Variants in PRRT3 observed in about 807,000 individuals in gnomAD.
PRRT3 encodes the protein proline rich transmembrane protein 3, also known as proline-rich transmembrane protein 3.
Under a neutral mutation model 56.6 loss-of-function variants are expected in PRRT3, and 48 were observed. That is an observed-to-expected ratio of 0.85 (90% confidence interval 0.67 to 1.08). The LOEUF (loss-of-function observed/expected upper bound fraction) is 1.08, where lower values mean the gene tolerates loss of function less well. Ranked by LOEUF, PRRT3 falls within the 50% of genes least tolerant of loss-of-function variation. The pLI is 0.00. For missense variants in PRRT3, 1,370 were observed against 1,353.1 expected, an observed-to-expected ratio of 1.01 and a Z score of -0.20; for synonymous variants, 641 against 619.1, an observed-to-expected ratio of 1.04 and a Z score of -0.52.
rs1447709880 is a variant in PRRT3, at chr3:9,946,628, G to A, written c.2545C>T (p.Arg849Trp). The A allele has an allele frequency of 7.2e-7, 1 of 1,393,144 alleles. No homozygotes were observed. The allele number at this position is 1,393,144 out of a possible 1,614,324, so 86.3% of individuals were successfully genotyped here. ...LASPPPGGAL[R>W]PRRGSHPKAE... is the part of the protein sequence containing the mutation. ...TTGGGATGGCTGCCCCGGCGCGGCC[G>A]CAGAGCGCCTCCAGGCGGCGGGGAG... The change falls in exon 4 of 4, where the codon CGG (arginine) becomes TGG (tryptophan). Residue 849 changes from arginine to tryptophan, a missense_variant. Transcript: ENST00000412055. This position sits in a 1 kb window ranked among gnomAD's most constrained non-coding sequence, Gnocchi z 4.1.
rs1234803817 is a variant in PRRT3 at position 9,949,558 on chromosome 3, C to T, written c.558G>A (p.Glu186=). The part of the protein sequence containing the change: ...GQEGQWPPRD[E]GLKAKTKSRV... ...TGCTCTTAGTTTTGGCCTTCAGACC[C>T]TCATCTCTAGGTGGCCACTGTCCCT... Residue 186 remains glutamate, a synonymous_variant, in exon 2 of 4, where the codon GAG becomes GAA. Transcript: ENST00000412055. The surrounding 1 kb of genome is among the most constrained non-coding windows in gnomAD (Gnocchi z 4.5). 1 of 1,614,100 alleles carries T rather than the reference C, an allele frequency of 6.2e-7. No homozygotes were observed. The highest frequency in any genetic ancestry group is 1.7e-5 in the Admixed American group (1 of 60,020).
rs1386964773 is a variant in PRRT3 at position 9,949,503 on chromosome 3, G to C, written c.613C>G (p.Gln205Glu). ...GAAACAAGGGTGTGGGGTGGGCCCT[G>C]GTGGTCTGAGGGAGAAGTGGGTGGG... ...RVPPTSPSDH[Q>E]GPPHTLVSHS... is the part of the protein sequence containing the mutation. The change falls in exon 2 of 4, where the codon CAG becomes GAG. Residue 205 changes from glutamine (Q) to glutamate (E), a missense_variant. Coordinates refer to ENST00000412055, the MANE Select transcript of PRRT3 (RefSeq NM_207351.5). The surrounding 1 kb of genome is among the most constrained non-coding windows in gnomAD (Gnocchi z 4.5). 1 of 1,613,972 alleles carries C rather than the reference G, an allele frequency of 6.2e-7. No homozygotes were observed. Among genetic ancestry groups the C allele is most frequent in the African/African-American group, 1.3e-5 (1 of 75,020 alleles).
Position 9,949,223 on chromosome 3 carries a change from C to T in PRRT3, c.893G>A (p.Trp298Ter). The T allele has an allele frequency of 2.5e-6, 4 of 1,604,528 alleles. No individual in the cohort carries two copies. Among genetic ancestry groups the T allele is most frequent in the Non-Finnish European group, 3.4e-6 (4 of 1,175,608 alleles). Residue 298 changes from tryptophan (W) to a stop codon, truncating the protein, a stop_gained, in exon 2 of 4, where the codon TGG (tryptophan) becomes TAG (stop). Coordinates refer to ENST00000412055, the MANE Select transcript of PRRT3 (RefSeq NM_207351.5). LOFTEE classifies it high-confidence loss of function. The surrounding 1 kb of genome is among the most constrained non-coding windows in gnomAD (Gnocchi z 4.5). Reference protein sequence around the residue: ...TPKRAGAEVSWEVSSPGPPPK... With the variant: ...TPKRAGAEVS Reference sequence around the variant, plus strand: ...CGGGGGACCTGGGGAGCTGACTTCCCAGGACACCTCAGCGCCAGCCCTCTT... The same window carrying T: ...CGGGGGACCTGGGGAGCTGACTTCCTAGGACACCTCAGCGCCAGCCCTCTT...
intron 3 of PRRT3, 180 bp downstream of exon 3, chr3:9,948,578 G>C: frequency 1.5e-6 from 1 of 688,536 alleles, no homozygotes; most frequent in Non-Finnish European, 2.5e-6. Flanking sequence ...ACTTCTCCCA[G>C]ATTTCCCAGT....
At chr3:9,951,050 C>T (rs1400623805) in intron 1 of PRRT3, among the ~76,000 whole-genome samples, 3 of 152,206 alleles carry the variant, frequency 2.0e-5, no homozygotes, top group African/African-American at 7.2e-5. Flanking sequence ...GCTTGACAAG[C>T]GTTACACATT....
rs1390994225 is a variant in PRRT3, at chr3:9,949,273, A to G, written c.843T>C (p.Ala281=). The change falls in exon 2 of 4, where the codon GCT becomes GCC. Residue 281 remains alanine (A), a synonymous_variant. Transcript: ENST00000412055. This position sits in a 1 kb window ranked among gnomAD's most constrained non-coding sequence, Gnocchi z 4.5. ...DLALARSLPP[A]EELPVETPKR... is the part of the protein sequence containing the mutation. ...TGGGGGTCTCAACCGGCAGCTCCTC[A>G]GCAGGAGGAAGGCTTCTGGCCAATG... 5.0e-6 allele frequency: 8 copies of G among 1,606,668 alleles called. No individual in the cohort carries two copies. The highest frequency in any genetic ancestry group is 6.0e-6 in the Non-Finnish European group (7 of 1,175,346).
rs2085554796 is a variant in PRRT3, at chr3:9,947,808, T to A, written c.1365A>T (p.Ala455=). The A allele has an allele frequency of 6.9e-7, 1 of 1,449,130 alleles. No individual in the cohort carries two copies. The allele number at this position is 1,449,130 out of a possible 1,614,324, so 89.8% of individuals were successfully genotyped here. ...PASSPPANAT[A]PPLRWGPLRR... ...GAAGGGGGCCCCAGCGTAGCGGGGGTGCAGTGGCGTTGGCTGGGGGGCTGG... is the reference window on the plus strand; with the variant it reads ...GAAGGGGGCCCCAGCGTAGCGGGGGAGCAGTGGCGTTGGCTGGGGGGCTGG... The change falls in exon 4 of 4, where the codon GCA becomes GCT. Residue 455 remains alanine, a synonymous_variant. Coordinates refer to ENST00000412055, the MANE Select transcript of PRRT3 (RefSeq NM_207351.5). This position sits in a 1 kb window ranked among gnomAD's most constrained non-coding sequence, Gnocchi z 9.2.
At chr3:9,950,421 C>T (rs936174413) in intron 1 of PRRT3, among the ~76,000 whole-genome samples, 1 of 151,788 alleles carries the variant, frequency 6.6e-6, no homozygotes, top group African/African-American at 2.4e-5. Flanking sequence ...CCTCCAACAC[C>T]CACTGGACTG....
In PRRT3 at chr3:9,950,058, G is replaced by T. The variant is rs201435838; in HGVS notation, c.58C>A (p.Leu20Met). 6.6e-7 allele frequency: 1 copy of T among 1,511,426 alleles called. No homozygotes were observed. The highest frequency in any genetic ancestry group is 2.3e-5 in the East Asian group (1 of 43,902). 93.6% of individuals were successfully genotyped at this position (1,511,426 alleles called of 1,614,324 possible). A position where few individuals can be genotyped will look rare whatever the true frequency, so the allele number is the denominator to read the frequency against. ...CGLLLLLLPL[L>M]GTGPALGRGF... ...CTCCCCAGGGCAGGGCCAGTCCCCA[G>T]GAGTGGCAGCAGCAACAGCAGAAGG... is the stretch of plus-strand genomic sequence containing the variant. Residue 20 changes from leucine (L) to methionine (M), a missense_variant, in exon 2 of 4, where the codon CTG (leucine) becomes ATG (methionine). Coordinates refer to ENST00000412055, the MANE Select transcript of PRRT3 (RefSeq NM_207351.5).
chr3:9,946,852 G>T lies in PRRT3; in HGVS notation c.2321C>A (p.Ser774Ter). Residue 774 changes from serine (S) to a stop codon, truncating the protein, a stop_gained, in exon 4 of 4, where the codon TCG becomes TAG. Coordinates refer to ENST00000412055, the MANE Select transcript of PRRT3 (RefSeq NM_207351.5). LOFTEE classifies it high-confidence loss of function. The surrounding 1 kb of genome is among the most constrained non-coding windows in gnomAD (Gnocchi z 4.1). ...GGGTCCGCGACCCAACGACGCAGCC[G>T]AGCCCCAGGCGCCTGAACTGGGCGT... ...LATPSSGAWG[S>*]AASLGRGPQG... 1 of 1,539,522 alleles carries T rather than the reference G, an allele frequency of 6.5e-7. No individual in the cohort carries two copies. The highest frequency in any genetic ancestry group is 8.7e-7 in the Non-Finnish European group (1 of 1,148,532).
chr3:9,949,861 C>T lies in PRRT3; in HGVS notation c.255G>A (p.Glu85=). The change falls in exon 2 of 4, where the codon GAG becomes GAA. Residue 85 remains glutamate (E), a synonymous_variant. Coordinates refer to ENST00000412055, the MANE Select transcript of PRRT3 (RefSeq NM_207351.5). This position sits in a 1 kb window ranked among gnomAD's most constrained non-coding sequence, Gnocchi z 4.5. The stretch of plus-strand genomic sequence containing the variant: ...GGCCAAGGGGAGAGGCTACAGGCTT[C>T]TCAGGCATCTCTTCAGCAGGGGCGT... The part of the protein sequence containing the change: ...VRHAPAEEMP[E]KPVASPLGPA... 1 of 1,613,578 alleles carries T rather than the reference C, an allele frequency of 6.2e-7. No individual in the cohort carries two copies. The highest frequency in any genetic ancestry group is 8.5e-7 in the Non-Finnish European group (1 of 1,179,654).
rs987556644 is a variant in PRRT3, at chr3:9,947,473, G to A, written c.1700C>T (p.Pro567Leu). The change falls in exon 4 of 4, where the codon CCG becomes CTG. Residue 567 changes from proline to leucine, a missense_variant. Pro to Leu is a moderately conservative substitution (Grantham distance 98). Coordinates refer to ENST00000412055, the MANE Select transcript of PRRT3 (RefSeq NM_207351.5). This position sits in a 1 kb window ranked among gnomAD's most constrained non-coding sequence, Gnocchi z 9.2. ...LLGLGAGLPP[P>L]LQNPLLLGAV... Reference sequence around the variant, plus strand: ...TCCCAGCAGGAGTGGGTTTTGCAGCGGTGGCGGCAGCCCCGCGCCCAGGCC... The same window carrying A: ...TCCCAGCAGGAGTGGGTTTTGCAGCAGTGGCGGCAGCCCCGCGCCCAGGCC... 3.1e-6 allele frequency: 5 copies of A among 1,612,254 alleles called. No individual in the cohort carries two copies. The highest frequency in any genetic ancestry group is 2.2e-5 in the East Asian group (1 of 44,866).
rs766871398 is a variant in PRRT3, at chr3:9,947,942, C to T, written c.1231G>A (p.Ala411Thr). 1 of 1,408,240 alleles carries T rather than the reference C, an allele frequency of 7.1e-7. No homozygotes were observed. 87.2% of individuals were successfully genotyped at this position (1,408,240 alleles called of 1,614,324 possible). A position where few individuals can be genotyped will look rare whatever the true frequency, so the allele number is the denominator to read the frequency against. The change falls in exon 4 of 4, where the codon GCC becomes ACC. Residue 411 changes from alanine to threonine, a missense_variant. Physicochemically the swap from Ala to Thr is moderately conservative, Grantham distance 58 (BLOSUM62 0). Coordinates refer to ENST00000412055, the MANE Select transcript of PRRT3 (RefSeq NM_207351.5). This position sits in a 1 kb window ranked among gnomAD's most constrained non-coding sequence, Gnocchi z 9.2. The stretch of plus-strand genomic sequence containing the variant: ...AGGCCCCGGCGTGACGTCGAGGGGG[C>T]CTGGACTGGGGGTGCTGGGGGATGG... ...QSHPPAPPVQ[A>T]PSTSRRGLIR...
intron 1 of PRRT3, among the ~76,000 whole-genome samples, chr3:9,951,114 A>C (rs1410044002): frequency 1.3e-5 from 2 of 151,880 alleles, no homozygotes; most frequent in Admixed American, 6.6e-5. Flanking sequence ...CTCTGGTCTG[A>C]TTCTATAATA....
Position 9,946,733 on chromosome 3 carries a change from G to A in PRRT3, c.2440C>T (p.Arg814Cys), listed in dbSNP as rs573912001. 5.3e-6 allele frequency: 8 copies of A among 1,510,040 alleles called. No homozygotes were observed. The African/African-American group carries it at 1.1e-4, about 21-fold the overall frequency. The allele number at this position is 1,510,040 out of a possible 1,614,324, so 93.5% of individuals were successfully genotyped here. A position where few individuals can be genotyped will look rare whatever the true frequency, so the allele number is the denominator to read the frequency against. Residue 814 changes from arginine (R) to cysteine (C), a missense_variant, in exon 4 of 4, where the codon CGC (arginine) becomes TGC (cysteine). Transcript: ENST00000412055. The surrounding 1 kb of genome is among the most constrained non-coding windows in gnomAD (Gnocchi z 4.1). The stretch of plus-strand genomic sequence containing the variant: ...CGGAAGAGCGCGGCGTCGATGCTGC[G>A]GCTCAGGTTGATGGGCGATGGCGGC... ...LRPPSPINLS[R>C]SIDAALFREH...
chr3:9,946,262 A>G lies in PRRT3; in HGVS notation c.2911T>C (p.Ser971Pro), dbSNP rs749712188. Residue 971 changes from serine to proline, a missense_variant, in exon 4 of 4, where the codon TCC becomes CCC. Ser to Pro is a moderately conservative substitution (Grantham distance 74). Coordinates refer to ENST00000412055, the MANE Select transcript of PRRT3 (RefSeq NM_207351.5). This position sits in a 1 kb window ranked among gnomAD's most constrained non-coding sequence, Gnocchi z 4.1. ...ATGGTATCACTGGAGGCGCTGCGGGATTCCCCAGGCTTGCCGCGCGGCTGG... is the reference window on the plus strand; with the variant it reads ...ATGGTATCACTGGAGGCGCTGCGGGGTTCCCCAGGCTTGCCGCGCGGCTGG... The part of the protein sequence containing the change: ...EVQPRGKPGE[S>P]RSASSDTIEL The G allele has an allele frequency of 6.2e-7, 1 of 1,612,742 alleles. No individual in the cohort carries two copies. The highest frequency in any genetic ancestry group is 8.5e-7 in the Non-Finnish European group (1 of 1,179,842).
In PRRT3 at chr3:9,947,911, C is replaced by CGAATGAGGCCCCGGCGT. The variant is rs2085557016; in HGVS notation, c.1245_1261dup (p.Arg421HisfsTer53). 1 of 1,416,674 alleles carries CGAATGAGGCCCCGGCGT rather than the reference C, an allele frequency of 7.1e-7. No individual in the cohort carries two copies. Among genetic ancestry groups the CGAATGAGGCCCCGGCGT allele is most frequent in the Admixed American group, 3.1e-5 (1 of 32,346 alleles). The allele number at this position is 1,416,674 out of a possible 1,614,324, so 87.8% of individuals were successfully genotyped here. ...GCCCAGGGCTCGCTGCGTGGTGACT[C>CGAATGAGGCCCCGGCGT]GAATGAGGCCCCGGCGTGACGTCGA... On this transcript the variant is annotated frameshift_variant, in exon 4 of 4. Transcript: ENST00000412055. LOFTEE classifies it high-confidence loss of function. This position sits in a 1 kb window ranked among gnomAD's most constrained non-coding sequence, Gnocchi z 9.2.
Position 9,946,493 on chromosome 3 carries a change from C to A in PRRT3, c.2680G>T (p.Gly894Trp), listed in dbSNP as rs556863986. Residue 894 changes from glycine (G) to tryptophan (W), a missense_variant, in exon 4 of 4, where the codon GGG (glycine) becomes TGG (tryptophan). Gly to Trp is a radical substitution (Grantham distance 184, BLOSUM62 -2). Coordinates refer to ENST00000412055, the MANE Select transcript of PRRT3 (RefSeq NM_207351.5). The surrounding 1 kb of genome is among the most constrained non-coding windows in gnomAD (Gnocchi z 4.1). ...CTGCCAGAAGCCGCAGCGGCTGCCC[C>A]GTCGGGTGCTTCCACTACGTGCTGT... ...VPQHVVEAPD[G>W]AAAAASGSSL... is the part of the protein sequence containing the mutation. 22 of 1,542,346 alleles carry A rather than the reference C, an allele frequency of 1.4e-5. No homozygotes were observed. The highest frequency in any genetic ancestry group is 1.8e-5 in the Non-Finnish European group (21 of 1,143,336).
chr3:9,950,645 G>C (rs562044951), intron 1 of PRRT3, among the ~76,000 whole-genome samples: 1 of 152,336 alleles, frequency 6.6e-6, no homozygotes, highest in East Asian at 1.9e-4. Flanking sequence ...TGGGGTTACA[G>C]ACATGTGCCA....
Sources: allele counts gnomAD v4.1 joint callset (sites outside exome capture counted in the v4.1 genomes callset), GRCh38; gene constraint gnomAD v4.1.1; non-coding constraint Gnocchi (gnomAD v3.1); transcripts MANE v1.5; gene names NCBI Gene and HGNC (gene_info 2026-07-23, HGNC 2026-07-21).